POLRMT: variants seen among roughly 807,000 people sequenced by gnomAD.
POLRMT encodes DNA-directed RNA polymerase, mitochondrial.
POLRMT carries 114 observed loss-of-function variants against 132.2 expected under a neutral mutation model. The ratio of observed to expected loss-of-function variants is 0.86; its 90% confidence interval spans 0.74 to 1.01. The LOEUF is 1.01. Ranked by LOEUF, POLRMT falls within the 50% of genes least tolerant of loss-of-function variation. POLRMT has a pLI of 0.00. For synonymous variants in POLRMT, 1,020 were observed against 773.4 expected, an observed-to-expected ratio of 1.32 and a Z score of -5.29; for missense variants, 2,003 against 1,729.1, an observed-to-expected ratio of 1.16 and a Z score of -2.81.
chr19:619,563 G>C, intron 13 of POLRMT, 23 bp downstream of exon 13: 3 of 1,610,846 alleles, frequency 1.9e-6, no homozygotes, highest in Non-Finnish European at 2.5e-6. Context: ...CAACGTGTTC[G>C]CAGCGCGACA....
rs1206919806 is a variant in POLRMT at position 617,555 on chromosome 19, C to T, written c.3581+15G>A. The stretch of plus-strand genomic sequence containing the variant: ...GGGGGGGAATCCAGGTAGTTGGGGT[C>T]AGGGAGCGCCTTACTCAGAGCAGAA... On this transcript the variant is annotated intron_variant, in intron 19 of 20. Coordinates refer to ENST00000588649, the MANE Select transcript of POLRMT (RefSeq NM_005035.4). 5 of 1,611,110 alleles carry T rather than the reference C, an allele frequency of 3.1e-6. No individual in the cohort carries two copies. Among genetic ancestry groups the T allele is most frequent in the Non-Finnish European group, 4.2e-6 (5 of 1,179,812 alleles).
rs762983368 is a variant in POLRMT at position 632,818 on chromosome 19, T to TG, written c.193+15dup. On this transcript the variant is annotated intron_variant, in intron 2 of 20. Coordinates refer to ENST00000588649, the MANE Select transcript of POLRMT (RefSeq NM_005035.4). ...CGGACTCTCCTCTCCCGGGCCGCCG[T>TG]GGGGGTCGCGCTCACCCTCCAGCAG... The TG allele has an allele frequency of 1.3e-6, 2 of 1,527,144 alleles. No homozygotes were observed. The highest frequency in any genetic ancestry group is 1.2e-5 in the South Asian group (1 of 83,282). 94.6% of individuals were successfully genotyped at this position (1,527,144 alleles called of 1,614,324 possible). A position where few individuals can be genotyped will look rare whatever the true frequency, so the allele number is the denominator to read the frequency against.
Position 630,187 on chromosome 19 carries a change from G to T in POLRMT, c.194-19C>A. ...TGGAGCACTGTGAGGGGCAGAAGGCGAGGACATGAGAGGGACCCCCTCCCC... is the reference window on the plus strand; with the variant it reads ...TGGAGCACTGTGAGGGGCAGAAGGCTAGGACATGAGAGGGACCCCCTCCCC... On this transcript the variant is annotated intron_variant, in intron 2 of 20. Coordinates refer to ENST00000588649, the MANE Select transcript of POLRMT (RefSeq NM_005035.4). 6.4e-7 allele frequency: 1 copy of T among 1,553,052 alleles called. No individual in the cohort carries two copies.
chr19:620,657 G>A lies in POLRMT; in HGVS notation c.2641-170C>T, dbSNP rs553046758. Among the ~76,000 whole-genome samples, 33 of 150,464 alleles carry A rather than the reference G, an allele frequency of 2.2e-4. No homozygotes were observed. The South Asian group carries it at 3.0e-3, about 14-fold the overall frequency. ...GCGGTGGCTGGATGAGTTCTCCATAGCCACGGATGGAGGATGGGAGCTGCG... is the reference window on the plus strand; with the variant it reads ...GCGGTGGCTGGATGAGTTCTCCATAACCACGGATGGAGGATGGGAGCTGCG... On this transcript the variant is annotated intron_variant, in intron 10 of 20. Transcript: ENST00000588649.
In POLRMT at chr19:621,944, C is replaced by G. The variant is rs1984645632; in HGVS notation, c.1852-98G>C. On this transcript the variant is annotated intron_variant, in intron 9 of 20. Coordinates refer to ENST00000588649, the MANE Select transcript of POLRMT (RefSeq NM_005035.4). ...TGAGAGGGGCCGGCTCCCCGGCCAA[C>G]AAGAAACCAGTGTGGCCTCCCACGA... 3.5e-6 allele frequency: 5 copies of G among 1,414,554 alleles called. No individual in the cohort carries two copies. The Admixed American group carries it at 7.0e-5, about 20-fold the overall frequency. 87.6% of individuals were successfully genotyped at this position (1,414,554 alleles called of 1,614,324 possible).
At chr19:631,956 G>A (rs966878636) in intron 2 of POLRMT, among the ~76,000 whole-genome samples, 1 of 152,212 alleles carries the variant, frequency 6.6e-6, no homozygotes, top group Admixed American at 6.5e-5. Flanking sequence ...TGTATTTTTA[G>A]TAGAGACAGT....
In POLRMT at chr19:630,050, G is replaced by A; in HGVS notation, c.312C>T (p.Pro104=). 6.2e-7 allele frequency: 1 copy of A among 1,613,876 alleles called. No homozygotes were observed. Residue 104 remains proline, a synonymous_variant, in exon 3 of 21, where the codon CCC becomes CCT. Transcript: ENST00000588649. ...CGSGDGSLQP[P]RKVQMGAKDA... is the part of the protein sequence containing the mutation. ...CCTTGGCCCCCATCTGGACCTTCCT[G>A]GGTGGCTGGAGGCTACCATCTCCAC...
rs1286940829 is a variant in POLRMT, at chr19:629,807, G to C, written c.555C>G (p.Ser185Arg). 6.3e-7 allele frequency: 1 copy of C among 1,585,624 alleles called. No homozygotes were observed. The highest frequency in any genetic ancestry group is 8.6e-7 in the Non-Finnish European group (1 of 1,166,972). Reference protein sequence around the residue: ...LEDCTRQAPESPWEEQLARLL... With the variant: ...LEDCTRQAPERPWEEQLARLL... ...GCCGGGCCAGCTGCTCCTCCCAGGG[G>C]CTCTCGGGGGCCTGGCGCGTGCAGT... is the stretch of plus-strand genomic sequence containing the variant. Residue 185 changes from serine (S) to arginine (R), a missense_variant, in exon 3 of 21, where the codon AGC becomes AGG. Transcript: ENST00000588649.
chr19:628,631 TG>T (rs34236901), intron 3 of POLRMT, among the ~76,000 whole-genome samples: 4 of 151,004 alleles, frequency 2.6e-5, no homozygotes, highest in South Asian at 4.2e-4. Context: ...TGAAGGATCA[TG>T]GGGGGGGAGA....
At chr19:628,687 C>G (rs556589187) in intron 3 of POLRMT, among the ~76,000 whole-genome samples, 10 of 151,924 alleles carry the variant, frequency 6.6e-5, no homozygotes, top group Non-Finnish European at 1.2e-4. Context: ...TAAACAACAC[C>G]CTCCAAAACA....
chr19:617,972 C>T, intron 17 of POLRMT, 123 bp from the exon 18 acceptor site: 4 of 785,850 alleles, frequency 5.1e-6, no homozygotes, highest in Non-Finnish European at 8.4e-6. Context: ...CTCCTGCAGG[C>T]CTCGCCCCAC....
At chr19:621,946 A>G (rs1984645748) in intron 9 of POLRMT, 100 bp from the exon 10 acceptor site, 1 of 1,411,948 alleles carries the variant, frequency 7.1e-7, no homozygotes, top group Non-Finnish European at 9.5e-7. Flanking sequence ...CCGGCCAACA[A>G]GAAACCAGTG....
chr19:622,351 C>T lies in POLRMT; in HGVS notation c.1649G>A (p.Arg550Gln), dbSNP rs1388993581. 5 of 1,554,378 alleles carry T rather than the reference C, an allele frequency of 3.2e-6. No homozygotes were observed. The highest frequency in any genetic ancestry group is 1.9e-5 in the Admixed American group (1 of 53,012). Residue 550 changes from arginine (R) to glutamine (Q), a missense_variant, in exon 9 of 21, where the codon CGG (arginine) becomes CAG (glutamine). Coordinates refer to ENST00000588649, the MANE Select transcript of POLRMT (RefSeq NM_005035.4). ...CGCCCCCAGCTCCTCCCAGTACTGCCGCGGCAGGCAGGGCTCGGGCACCTG... is the reference window on the plus strand; with the variant it reads ...CGCCCCCAGCTCCTCCCAGTACTGCTGCGGCAGGCAGGGCTCGGGCACCTG... ...DAEVPEPCLP[R>Q]QYWEELGAPE...
chr19:625,423 C>T (rs1467861428), intron 3 of POLRMT, 169 bp from the exon 4 acceptor site: 1 of 833,544 alleles, frequency 1.2e-6, no homozygotes, highest in Non-Finnish European at 1.8e-6. Context: ...TTCTGACACA[C>T]AAGCTCCACC....
chr19:626,492 T>TTC (rs1985022262), intron 3 of POLRMT, among the ~76,000 whole-genome samples: 1 of 149,994 alleles, frequency 6.7e-6, no homozygotes, highest in African/African-American at 2.5e-5. Flanking sequence ...TTTTTTTTTT[T>TTC]CATTTAATTT....
At chr19:624,957 CCA>C in intron 4 of POLRMT, 52 bp from the exon 5 acceptor site, 1 of 1,563,196 alleles carries the variant, frequency 6.4e-7, no homozygotes, top group African/African-American at 1.4e-5. Flanking sequence ...CGCTGGGCTT[CCA>C]CAGACCCCAG....
At chr19:620,524 G>T in intron 10 of POLRMT, 37 bp from the exon 11 acceptor site, 1 of 1,511,460 alleles carries the variant, frequency 6.6e-7, no homozygotes, top group East Asian at 2.4e-5. Context: ...TGAGGCCCGG[G>T]CCCGATCCCT....
intron 10 of POLRMT, among the ~76,000 whole-genome samples, chr19:620,756 G>C (rs1424956277): frequency 7.1e-6 from 1 of 141,498 alleles, no homozygotes; most frequent in Non-Finnish European, 1.6e-5. Context: ...GGGGGCGCCG[G>C]GGGAGGAAGC....
At position 624,881 on chromosome 19, in the gene POLRMT, C is replaced by T; in HGVS notation, c.978G>A (p.Glu326=). Residue 326 remains glutamate, a synonymous_variant, in exon 5 of 21, where the codon GAG becomes GAA. Transcript: ENST00000588649. ...IERCLEQMSQ[E]GLKLQALFTA... is the part of the protein sequence containing the mutation. ...TGAAGAGTGCCTGCAGCTTCAGCCC[C>T]TCCTGGCTCATCTGTTCCAGACACC... 6.2e-7 allele frequency: 1 copy of T among 1,612,508 alleles called. No homozygotes were observed. The highest frequency in any genetic ancestry group is 8.5e-7 in the Non-Finnish European group (1 of 1,179,600).
Sources: gnomAD v4.1 joint callset for allele counts (sites outside exome capture counted in the v4.1 genomes callset) on GRCh38, gnomAD v4.1.1 for gene constraint, MANE v1.5 for transcripts, NCBI Gene and HGNC (gene_info 2026-07-23, HGNC 2026-07-21) for gene names.